The following HSPBAP1 variants were observed in gnomAD, a reference collection of about 807,000 sequenced individuals.
HSPBAP1 encodes HSPB1 associated protein 1, also known as HSPB1-associated protein 1.
In HSPBAP1, 27 loss-of-function variants were observed where a neutral mutation model predicts 45.2. The ratio of observed to expected loss-of-function variants is 0.60; its 90% CI spans 0.44 to 0.82. HSPBAP1 has a LOEUF of 0.82. Among genes scored for constraint, HSPBAP1 ranks in the 40% least tolerant of loss-of-function variants. The pLI, the probability that HSPBAP1 is intolerant of heterozygous loss-of-function variation, is 0.00. For missense variants in HSPBAP1, 510 were observed against 590.9 expected (o/e 0.86, Z 1.42); for synonymous variants, 204 against 202.7 (o/e 1.01, Z -0.06).
chr3:122,758,959 C>CA (rs1385210029), intron 4 of HSPBAP1: 1 of 394,948 alleles, frequency 2.5e-6, no homozygotes, highest in Non-Finnish European at 4.8e-6. Flanking sequence ...AGTGGAATCT[C>CA]AGAGTTCTAG....
intron 6 of HSPBAP1, among the ~76,000 whole-genome samples, chr3:122,747,414 G>T (rs1394891736): frequency 6.6e-6 from 1 of 150,930 alleles, no homozygotes; most frequent in African/African-American, 2.4e-5. Context: ...GAGCCCCTCC[G>T]CCCGGCAACC....
intron 1 of HSPBAP1, among the ~76,000 whole-genome samples, chr3:122,783,145 G>A (rs574956084): frequency 1.3e-5 from 2 of 152,314 alleles, no homozygotes; most frequent in South Asian, 4.1e-4. Context: ...AGTAGCCCCT[G>A]GTTTATCTTC....
At chr3:122,741,139 C>T (rs368467216) in intron 6 of HSPBAP1, 26 bp from the exon 7 acceptor site, 59 of 1,514,226 alleles carry the variant, frequency 3.9e-5, no homozygotes, top group Non-Finnish European at 5.0e-5. Flanking sequence ...ACGCTTTTAA[C>T]TTCTGTTAAG....
chr3:122,791,964 C>A (rs943227157), intron 1 of HSPBAP1, among the ~76,000 whole-genome samples: 2 of 152,114 alleles, frequency 1.3e-5, no homozygotes, highest in African/African-American at 2.4e-5. Context: ...CAGGAAGATA[C>A]AGTAGTAGTT....
At chr3:122,785,533 C>T (rs992293893) in intron 1 of HSPBAP1, among the ~76,000 whole-genome samples, 1 of 152,120 alleles carries the variant, frequency 6.6e-6, no homozygotes, top group African/African-American at 2.4e-5. Context: ...GATGTTTCCT[C>T]TTAGTAATTT....
chr3:122,741,839 G>A (rs1411893196), intron 6 of HSPBAP1: 1 of 152,132 alleles, frequency 6.6e-6, no homozygotes. Context: ...AGTGCAAATT[G>A]AGAAATCCAT....
chr3:122,788,950 C>T (rs1217890370), intron 1 of HSPBAP1, among the ~76,000 whole-genome samples: 1 of 152,084 alleles, frequency 6.6e-6, no homozygotes, highest in East Asian at 1.9e-4. Context: ...TATGTTTTTA[C>T]CACAATAAAA....
chr3:122,740,988 C>T lies in HSPBAP1; in HGVS notation c.936+15G>A. 3 of 1,611,522 alleles carry T rather than the reference C, an allele frequency of 1.9e-6. No individual in the cohort carries two copies. The highest frequency in any genetic ancestry group is 2.2e-5 in the South Asian group (2 of 91,030). ...AGGAAACTAACTGCCATGATGAAGA[C>T]CAGAAGCCGCCTACCTCAGTGGGGT... On this transcript the variant is annotated intron_variant, in intron 7 of 7. Transcript: ENST00000306103.
chr3:122,783,311 C>G (rs761031997), intron 1 of HSPBAP1, among the ~76,000 whole-genome samples: 1 of 152,222 alleles, frequency 6.6e-6, no homozygotes, highest in African/African-American at 2.4e-5. Context: ...TCCTTCCATA[C>G]AGGCCTATGA....
rs1306423931 is a variant in HSPBAP1 at position 122,759,222 on chromosome 3, ACCTT to A, written c.567_569+1del. The A allele has an allele frequency of 1.4e-6, 2 of 1,433,424 alleles. No homozygotes were observed. The highest frequency in any genetic ancestry group is 1.9e-6 in the Non-Finnish European group (2 of 1,057,936). The allele number at this position is 1,433,424 out of a possible 1,614,324, so 88.8% of individuals were successfully genotyped here. A position where few individuals can be genotyped will look rare whatever the true frequency, so the allele number is the denominator to read the frequency against. On this transcript the variant is annotated splice_donor_variant and coding_sequence_variant, in exon 4 of 8. Coordinates refer to ENST00000306103, the MANE Select transcript of HSPBAP1 (RefSeq NM_024610.6). LOFTEE classifies it high-confidence loss of function. ...ACACACACACACACACACACACATT[ACCTT>A]CCTTGTACCTGGAATACCAAGTTAC...
Position 122,743,153 on chromosome 3 carries a change from G to A in HSPBAP1, c.826-2040C>T, listed in dbSNP as rs78986779. On this transcript the variant is annotated intron_variant, in intron 6 of 7. Transcript: ENST00000306103. ...CATCAGTATTTCATTCCTTGTGATA[G>A]TTGAAAAACATTCCATTGTACACAT... Among the ~76,000 whole-genome samples the A allele has an allele frequency of 9.7e-3, 1,471 of 152,290 alleles. 24 individuals carry two copies. The highest frequency in any genetic ancestry group is 0.034 in the African/African-American group (1,415 of 41,562).
At chr3:122,747,725 T>A (rs1357999907) in intron 6 of HSPBAP1, among the ~76,000 whole-genome samples, 4 of 139,588 alleles carry the variant, frequency 2.9e-5, no homozygotes, top group Non-Finnish European at 6.2e-5. Context: ...GGAGCCCCTC[T>A]GCCCGGCCAG....
intron 1 of HSPBAP1, among the ~76,000 whole-genome samples, chr3:122,784,808 G>A (rs1048017490): frequency 6.6e-6 from 1 of 152,186 alleles, no homozygotes; most frequent in African/African-American, 2.4e-5. Flanking sequence ...CATTCTTTTG[G>A]GAAGATGAGT....
chr3:122,788,535 T>C (rs756724608), intron 1 of HSPBAP1, among the ~76,000 whole-genome samples: 4 of 152,202 alleles, frequency 2.6e-5, no homozygotes, highest in Non-Finnish European at 5.9e-5. Context: ...AATAGCTAAG[T>C]GGTGGAAGCA....
At chr3:122,775,678 A>G (rs1397875857) in intron 2 of HSPBAP1, among the ~76,000 whole-genome samples, 1 of 152,210 alleles carries the variant, frequency 6.6e-6, no homozygotes, top group African/African-American at 2.4e-5. Context: ...GAACTCTCAT[A>G]CATTGAAGGT....
chr3:122,745,044 A>G lies in HSPBAP1; in HGVS notation c.826-3931T>C, dbSNP rs79538661. 2.9e-4 allele frequency among the ~76,000 whole-genome samples: 44 copies of G among 152,342 alleles called. 1 individual carries two copies. In the South Asian group the frequency reaches 8.5e-3, roughly 29 times the overall value. ...AAATAGAAATTGATGGATACTTAATATGATAAAACACATACAACTCAGCCG... is the reference window on the plus strand; with the variant it reads ...AAATAGAAATTGATGGATACTTAATGTGATAAAACACATACAACTCAGCCG... On this transcript the variant is annotated intron_variant, in intron 6 of 7. Coordinates refer to ENST00000306103, the MANE Select transcript of HSPBAP1 (RefSeq NM_024610.6).
At chr3:122,788,034 C>T (rs1179623344) in intron 1 of HSPBAP1, among the ~76,000 whole-genome samples, 4 of 152,124 alleles carry the variant, frequency 2.6e-5, no homozygotes, top group Non-Finnish European at 4.4e-5. Context: ...ATTAGTGCTG[C>T]GGCTGTTATG....
intron 1 of HSPBAP1, among the ~76,000 whole-genome samples, chr3:122,791,438 CAT>C (rs1935826870): frequency 6.6e-6 from 1 of 152,252 alleles, no homozygotes; most frequent in African/African-American, 2.4e-5. Flanking sequence ...ACTCAACAAA[CAT>C]GTGGCATGTG....
At chr3:122,753,809 A>T in intron 5 of HSPBAP1, 1 of 985,274 alleles carries the variant, frequency 1.0e-6, no homozygotes, top group Non-Finnish European at 1.2e-6. Flanking sequence ...TAAAGTGGTG[A>T]CAGAAAGAGC....
Sources: gnomAD v4.1 joint callset for allele counts (sites outside exome capture counted in the v4.1 genomes callset) on GRCh38, gnomAD v4.1.1 for gene constraint, MANE v1.5 for transcripts, NCBI Gene and HGNC (gene_info 2026-07-23, HGNC 2026-07-21) for gene names.